GPR37L1: variants seen among roughly 807,000 people sequenced by gnomAD.
GPR37L1 encodes G protein-coupled receptor 37 like 1.
A neutral mutation model predicts 18.0 loss-of-function variants in GPR37L1; 18 were observed. That is an observed-to-expected ratio of 1.00 (90% confidence interval 0.69 to 1.49). The LOEUF is 1.49. Ranked by LOEUF, GPR37L1 falls within the 40% of genes most tolerant of loss-of-function variation. The pLI is 0.00. For missense variants in GPR37L1, 558 were observed against 615.1 expected (o/e 0.91, Z 0.98); for synonymous variants, 256 against 273.9 (o/e 0.93, Z 0.65).
chr1:202,132,831 C>T lies in GPR37L1; in HGVS notation c.*4275C>T, dbSNP rs1322693643. ...CCAGCAGAGGAGCGAGGGCAGGGCT[C>T]CTACCAGGAAACCCATAGCATTGAC... On this transcript the variant is annotated 3_prime_UTR_variant, in exon 2 of 2. Transcript: ENST00000367282. 3 of 152,620 alleles carry T rather than the reference C, an allele frequency of 2.0e-5. No homozygotes were observed. Among genetic ancestry groups the T allele is most frequent in the African/African-American group, 7.2e-5 (3 of 41,426 alleles). The allele number at this position is 152,620 out of a possible 1,614,324, so 9.5% of individuals were successfully genotyped here.
chr1:202,128,741 C>G lies in GPR37L1; in HGVS notation c.*185C>G, dbSNP rs1654751697. The G allele has an allele frequency of 1.7e-6, 1 of 573,756 alleles. No homozygotes were observed. The highest frequency in any genetic ancestry group is 3.2e-5 in the Admixed American group (1 of 31,724). 35.5% of individuals were successfully genotyped at this position (573,756 alleles called of 1,614,324 possible). A position where few individuals can be genotyped will look rare whatever the true frequency, so the allele number is the denominator to read the frequency against. ...AGGGCCTTTCCTGTCCCTTGTGGGG[C>G]CTTCCAACCCTGTCCTTTCCACTGG... On this transcript the variant is annotated 3_prime_UTR_variant, in exon 2 of 2. Transcript: ENST00000367282.
rs1262270748 is a variant in GPR37L1, at chr1:202,123,292, C to G, written c.329C>G (p.Pro110Arg). 3.1e-6 allele frequency: 5 copies of G among 1,614,150 alleles called. No homozygotes were observed. The highest frequency in any genetic ancestry group is 1.1e-5 in the South Asian group (1 of 91,088). The change falls in exon 1 of 2, where the codon CCA becomes CGA. Residue 110 changes from proline (P) to arginine (R), a missense_variant. Coordinates refer to ENST00000367282, the MANE Select transcript of GPR37L1 (RefSeq NM_004767.5). Reference protein sequence around the residue: ...QELRGNLTGAPGQRLQIQNPL... With the variant: ...QELRGNLTGARGQRLQIQNPL... ...CTGAGGGGCAATCTGACAGGAGCAC[C>G]AGGGCAGAGGCTACAGATCCAGAAC...
In GPR37L1 at chr1:202,128,434, GC is replaced by G. The variant is rs1558302678; in HGVS notation, c.1325del (p.Ala442ValfsTer114). ...CTGCTGCTGTGAGGAGTGCGGCGGG[GC>G]TTCGGAGGCCTCTGCTGCCAATGGG... ...CCCCCEECGGASEASAANGSD... is the reference protein window; with the variant it reads ...CCCCCEECGGXSEASAANGSD... On this transcript the variant is annotated frameshift_variant, in exon 2 of 2. Coordinates refer to ENST00000367282, the MANE Select transcript of GPR37L1 (RefSeq NM_004767.5). LOFTEE classifies it low-confidence loss of function (END_TRUNC). 9 of 1,611,246 alleles carry G rather than the reference GC, an allele frequency of 5.6e-6. No homozygotes were observed. The highest frequency in any genetic ancestry group is 7.6e-6 in the Non-Finnish European group (9 of 1,178,832).
At position 202,122,971 on chromosome 1, in the gene GPR37L1, G is replaced by A; in HGVS notation, c.8G>A (p.Trp3Ter). 1.2e-6 allele frequency: 2 copies of A among 1,612,770 alleles called. No individual in the cohort carries two copies. Among genetic ancestry groups the A allele is most frequent in the South Asian group, 1.1e-5 (1 of 91,014 alleles). Residue 3 changes from tryptophan to a stop codon, truncating the protein, a stop_gained, in exon 1 of 2, where the codon TGG (tryptophan) becomes TAG (stop). Transcript: ENST00000367282. LOFTEE classifies it high-confidence loss of function. MR[W>*]LWPLAVSLAV... ...TCTCCTGCTCATCCAGCCATGCGGTGGCTGTGGCCCCTGGCTGTCTCTCTT... is the reference window on the plus strand; with the variant it reads ...TCTCCTGCTCATCCAGCCATGCGGTAGCTGTGGCCCCTGGCTGTCTCTCTT...
At chr1:202,126,728 C>T (rs574341822) in intron 1 of GPR37L1, among the ~76,000 whole-genome samples, 1 of 152,210 alleles carries the variant, frequency 6.6e-6, no homozygotes, top group South Asian at 2.1e-4. Flanking sequence ...TTTCCACGCG[C>T]TTGATGAATA....
rs768305437 is a variant in GPR37L1 at position 202,127,880 on chromosome 1, T to C, written c.770T>C (p.Val257Ala). Reference sequence around the variant, plus strand: ...CTGGCCAAGTTGGCTGTCATCTGGGTGGGCTCCATGACGCTGGCTGTGCCT... The same window carrying C: ...CTGGCCAAGTTGGCTGTCATCTGGGCGGGCTCCATGACGCTGGCTGTGCCT... ...SILAKLAVIW[V>A]GSMTLAVPEL... The change falls in exon 2 of 2, where the codon GTG becomes GCG. Residue 257 changes from valine (V) to alanine (A), a missense_variant. Physicochemically the swap from Val to Ala is moderately conservative, Grantham distance 64 (BLOSUM62 0). Coordinates refer to ENST00000367282, the MANE Select transcript of GPR37L1 (RefSeq NM_004767.5). 3.7e-6 allele frequency: 6 copies of C among 1,613,766 alleles called. No homozygotes were observed. In the Admixed American group the frequency reaches 8.3e-5, roughly 22 times the overall value.
Position 202,128,538 on chromosome 1 carries a change from C to T in GPR37L1, c.1428C>T (p.Pro476=). 1.9e-6 allele frequency: 3 copies of T among 1,568,502 alleles called. No individual in the cohort carries two copies. The highest frequency in any genetic ancestry group is 2.6e-6 in the Non-Finnish European group (3 of 1,155,042). Residue 476 remains proline (P), a synonymous_variant, in exon 2 of 2, where the codon CCC becomes CCT. Coordinates refer to ENST00000367282, the MANE Select transcript of GPR37L1 (RefSeq NM_004767.5). ...CCAGGGAGTCACCCCCACTCCTGCC[C>T]CTGGGCACACCTTGCTGAGGCCCCA... ...HKPRESPPLL[P]LGTPC is the part of the protein sequence containing the mutation.
Position 202,132,419 on chromosome 1 carries a change from A to T in GPR37L1, c.*3863A>T, listed in dbSNP as rs1158543948. ...TCCTCCAACTCTCTGGCAGTGGGGA[A>T]CTGCCTCTCCAGGCAGGGAACTGCT... On this transcript the variant is annotated 3_prime_UTR_variant, in exon 2 of 2. Coordinates refer to ENST00000367282, the MANE Select transcript of GPR37L1 (RefSeq NM_004767.5). 1 of 152,304 alleles carries T rather than the reference A, an allele frequency of 6.6e-6. No individual in the cohort carries two copies. Among genetic ancestry groups the T allele is most frequent in the South Asian group, 2.1e-4 (1 of 4,832 alleles). 9.4% of individuals were successfully genotyped at this position (152,304 alleles called of 1,614,324 possible).
Position 202,131,307 on chromosome 1 carries a change from G to C in GPR37L1, c.*2751G>C, listed in dbSNP as rs1407932651. 1 of 152,248 alleles carries C rather than the reference G, an allele frequency of 6.6e-6. No homozygotes were observed. Among genetic ancestry groups the C allele is most frequent in the Non-Finnish European group, 1.5e-5 (1 of 68,076 alleles). 9.4% of individuals were successfully genotyped at this position (152,248 alleles called of 1,614,324 possible). ...CCTTCTCATCACCTATCCTGGAACT[G>C]AATGCAATTACTTAAACTCAGTCTC... is the stretch of plus-strand genomic sequence containing the variant. On this transcript the variant is annotated 3_prime_UTR_variant, in exon 2 of 2. Transcript: ENST00000367282.
Position 202,123,373 on chromosome 1 carries a change from C to A in GPR37L1, c.410C>A (p.Ala137Glu), listed in dbSNP as rs558628333. The A allele has an allele frequency of 6.2e-7, 1 of 1,614,122 alleles. No homozygotes were observed. Among genetic ancestry groups the A allele is most frequent in the Non-Finnish European group, 8.5e-7 (1 of 1,180,012 alleles). ...AGTGCCTATGCCATCATGCTTCTGG[C>A]GCTGGTGGTGTTTGCGGTGGGCATT... is the stretch of plus-strand genomic sequence containing the variant. ...SYSAYAIMLL[A>E]LVVFAVGIVG... The change falls in exon 1 of 2, where the codon GCG becomes GAG. Residue 137 changes from alanine (A) to glutamate (E), a missense_variant. Coordinates refer to ENST00000367282, the MANE Select transcript of GPR37L1 (RefSeq NM_004767.5).
At position 202,122,973 on chromosome 1, in the gene GPR37L1, C is replaced by T. The variant is rs1177077565; in HGVS notation, c.10C>T (p.Leu4=). MRW[L]WPLAVSLAVI... is the part of the protein sequence containing the mutation. ...TCCTGCTCATCCAGCCATGCGGTGG[C>T]TGTGGCCCCTGGCTGTCTCTCTTGC... Residue 4 remains leucine (L), a synonymous_variant, in exon 1 of 2, where the codon CTG becomes TTG. Transcript: ENST00000367282. 11 of 1,612,688 alleles carry T rather than the reference C, an allele frequency of 6.8e-6. No homozygotes were observed. Among genetic ancestry groups the T allele is most frequent in the Non-Finnish European group, 9.3e-6 (11 of 1,180,016 alleles).
intron 1 of GPR37L1, among the ~76,000 whole-genome samples, chr1:202,127,334 C>T (rs530202739): frequency 3.0e-4 from 42 of 139,994 alleles, no homozygotes; most frequent in Non-Finnish European, 4.8e-4. Flanking sequence ...TTCCTTGTTT[C>T]CACAGGGTTT....
At position 202,123,156 on chromosome 1, in the gene GPR37L1, G is replaced by A. The variant is rs1654551121; in HGVS notation, c.193G>A (p.Ala65Thr). 1.2e-6 allele frequency: 2 copies of A among 1,613,450 alleles called. No homozygotes were observed. The highest frequency in any genetic ancestry group is 1.7e-6 in the Non-Finnish European group (2 of 1,179,684). ...GVQQYVPEEW[A>T]EYPRPIHPAG... is the part of the protein sequence containing the mutation. ...GCAGCAGTATGTGCCTGAGGAGTGG[G>A]CGGAGTACCCCCGGCCCATTCACCC... The change falls in exon 1 of 2, where the codon GCG (alanine) becomes ACG (threonine). Residue 65 changes from alanine to threonine, a missense_variant. By Grantham distance (58) the Ala-to-Thr change is moderately conservative (BLOSUM62 0). Coordinates refer to ENST00000367282, the MANE Select transcript of GPR37L1 (RefSeq NM_004767.5).
At position 202,132,013 on chromosome 1, in the gene GPR37L1, G is replaced by A. The variant is rs1654871906; in HGVS notation, c.*3457G>A. On this transcript the variant is annotated 3_prime_UTR_variant, in exon 2 of 2. Transcript: ENST00000367282. ...GGGCTCCCAAAGTACTGGGATTACAGGCATGAGCACCTGGCCCCTGAACAA... is the reference window on the plus strand; with the variant it reads ...GGGCTCCCAAAGTACTGGGATTACAAGCATGAGCACCTGGCCCCTGAACAA... The A allele has an allele frequency of 6.6e-6, 1 of 152,214 alleles. No homozygotes were observed. The highest frequency in any genetic ancestry group is 1.5e-5 in the Non-Finnish European group (1 of 68,046). The allele number at this position is 152,214 out of a possible 1,614,324, so 9.4% of individuals were successfully genotyped here.
chr1:202,127,116 A>G (rs1468198216), intron 1 of GPR37L1, among the ~76,000 whole-genome samples: 1 of 152,152 alleles, frequency 6.6e-6, no homozygotes, highest in Non-Finnish European at 1.5e-5. Flanking sequence ...CAGCTCCGCC[A>G]TTCATCAGCA....
In GPR37L1 at chr1:202,130,771, C is replaced by CG. The variant is rs2147807801; in HGVS notation, c.*2217dup. On this transcript the variant is annotated 3_prime_UTR_variant, in exon 2 of 2. Transcript: ENST00000367282. ...TCCTTCTCCACCCCCCTGCCAGGCC[C>CG]GGAAGTACCACCAGCTTCCTAAGGG... 1 of 152,482 alleles carries CG rather than the reference C, an allele frequency of 6.6e-6. No homozygotes were observed. Among genetic ancestry groups the CG allele is most frequent in the Admixed American group, 6.5e-5 (1 of 15,306 alleles). 9.4% of individuals were successfully genotyped at this position (152,482 alleles called of 1,614,324 possible). A position where few individuals can be genotyped will look rare whatever the true frequency, so the allele number is the denominator to read the frequency against.
intron 1 of GPR37L1, among the ~76,000 whole-genome samples, chr1:202,126,539 G>A (rs1182759933): frequency 1.6e-4 from 25 of 152,198 alleles, no homozygotes; most frequent in South Asian, 2.1e-4. Flanking sequence ...CTAAAAGCTG[G>A]GGATTGTGTT....
intron 1 of GPR37L1, among the ~76,000 whole-genome samples, chr1:202,124,170 G>C (rs934134888): frequency 6.6e-6 from 1 of 152,094 alleles, no homozygotes; most frequent in Non-Finnish European, 1.5e-5. Flanking sequence ...CTCCCTGCTG[G>C]GATTCTCATT....
chr1:202,123,603 T>C lies in GPR37L1; in HGVS notation c.630+10T>C. The C allele has an allele frequency of 6.4e-7, 1 of 1,562,508 alleles. No homozygotes were observed. Among genetic ancestry groups the C allele is most frequent in the South Asian group, 1.2e-5 (1 of 80,846 alleles). Reference sequence around the variant, plus strand: ...CGTGCCCTTCATGGAGGTGAGTGTGTGTTCTGTTTGAGCTCTGCTGGGAGG... The same window carrying C: ...CGTGCCCTTCATGGAGGTGAGTGTGCGTTCTGTTTGAGCTCTGCTGGGAGG... On this transcript the variant is annotated intron_variant, in intron 1 of 1. Transcript: ENST00000367282.
Sources: allele counts gnomAD v4.1 joint callset (sites outside exome capture counted in the v4.1 genomes callset), GRCh38; gene constraint gnomAD v4.1.1; transcripts MANE v1.5; gene names NCBI Gene and HGNC (gene_info 2026-07-23, HGNC 2026-07-21).